CYP3A43: variants seen among roughly 807,000 people sequenced by gnomAD.
CYP3A43 encodes the protein cytochrome P450 3A43.
In CYP3A43, 45 loss-of-function variants were observed where a neutral mutation model predicts 58.0. The ratio of observed to expected loss-of-function variants is 0.78; its 90% CI spans 0.61 to 0.99. The LOEUF (loss-of-function observed/expected upper bound fraction) is 0.99, where lower values mean the gene tolerates loss of function less well. Ranked by LOEUF, CYP3A43 falls within the 50% of genes least tolerant of loss-of-function variation. The pLI is 0.00. For missense variants in CYP3A43, 593 were observed against 591.9 expected (o/e 1.00, Z -0.02); for synonymous variants, 191 against 201.4 (o/e 0.95, Z 0.44).
At chr7:99,854,181 G>A (rs888842409) in intron 7 of CYP3A43, among the ~76,000 whole-genome samples, 1 of 151,084 alleles carries the variant, frequency 6.6e-6, no homozygotes, top group Non-Finnish European at 1.5e-5. Context: ...CCAGAGTCTG[G>A]TCACCATCCT....
intron 1 of CYP3A43, among the ~76,000 whole-genome samples, chr7:99,834,709 T>C (rs1366992284): frequency 6.6e-6 from 1 of 152,224 alleles, no homozygotes; most frequent in Non-Finnish European, 1.5e-5. Flanking sequence ...AGTCTCATCA[T>C]AATACTGTTG....
intron 7 of CYP3A43, chr7:99,849,929 A>G (rs1817686901): frequency 1.8e-6 from 1 of 563,762 alleles, no homozygotes; most frequent in African/African-American, 2.2e-5. Flanking sequence ...CCATTTAACC[A>G]TCATCCCCTT....
chr7:99,839,078 A>G (rs1340009532), intron 2 of CYP3A43, 42 bp from the exon 3 acceptor site: 1 of 1,612,676 alleles, frequency 6.2e-7, no homozygotes, highest in African/African-American at 1.3e-5. Flanking sequence ...CGTTCAGTAC[A>G]TTCGAAATAA....
Position 99,863,616 on chromosome 7 carries a change from A to C in CYP3A43, c.1333A>C (p.Met445Leu), listed in dbSNP as rs1818329772. The change falls in exon 12 of 13, where the codon ATG becomes CTG. Residue 445 changes from methionine (M) to leucine (L), a missense_variant. Coordinates refer to ENST00000354829, the MANE Select transcript of CYP3A43 (RefSeq NM_057095.3). ...FGAGPRNCIG[M>L]RFALTNIKLA... ...AGCTGGACCCCGAAACTGCATTGGCATGAGGTTTGCTCTCACAAACATAAA... is the reference window on the plus strand; with the variant it reads ...AGCTGGACCCCGAAACTGCATTGGCCTGAGGTTTGCTCTCACAAACATAAA... 2 of 1,614,020 alleles carry C rather than the reference A, an allele frequency of 1.2e-6. No homozygotes were observed. The highest frequency in any genetic ancestry group is 1.7e-5 in the Admixed American group (1 of 60,004).
At chr7:99,832,050 C>T (rs1035371336) in intron 1 of CYP3A43, among the ~76,000 whole-genome samples, 1 of 152,072 alleles carries the variant, frequency 6.6e-6, no homozygotes, top group African/African-American at 2.4e-5. Context: ...AATAAGAACA[C>T]TATGATTCTT....
chr7:99,838,060 T>C (rs1817166863), intron 2 of CYP3A43, among the ~76,000 whole-genome samples: 1 of 152,238 alleles, frequency 6.6e-6, no homozygotes, highest in African/African-American at 2.4e-5. Context: ...AATCCACATG[T>C]CCTGGGCTAT....
intron 11 of CYP3A43, 62 bp from the exon 12 acceptor site, chr7:99,863,475 C>G: frequency 7.1e-7 from 1 of 1,415,300 alleles, no homozygotes; most frequent in Non-Finnish European, 9.5e-7. Context: ...CCCTGCATAA[C>G]GTGTAGTTTT....
In CYP3A43 at chr7:99,861,139, G is replaced by A. The variant is rs192346961; in HGVS notation, c.1027-474G>A. 1.8e-3 allele frequency among the ~76,000 whole-genome samples: 274 copies of A among 152,340 alleles called. 2 individuals are homozygous for A. Among genetic ancestry groups the A allele is most frequent in the African/African-American group, 6.3e-3 (262 of 41,580 alleles). On this transcript the variant is annotated intron_variant, in intron 10 of 12. Coordinates refer to ENST00000354829, the MANE Select transcript of CYP3A43 (RefSeq NM_057095.3). ...TCCACCCACCTTGGCCTCCCAAAGT[G>A]TTGGGATTATAGGCATGAGCCACCA...
chr7:99,854,396 G>A (rs763228856), intron 7 of CYP3A43, among the ~76,000 whole-genome samples: 4 of 151,778 alleles, frequency 2.6e-5, no homozygotes, highest in Non-Finnish European at 5.9e-5. Context: ...TAGTAGGGAC[G>A]GGGTTTTGCC....
intron 2 of CYP3A43, 132 bp from the exon 3 acceptor site, chr7:99,838,988 C>A: frequency 1.9e-6 from 2 of 1,040,880 alleles, no homozygotes; most frequent in Non-Finnish European, 1.4e-6. Flanking sequence ...AAAAAGATTC[C>A]CTCTAACTGC....
chr7:99,844,352 A>G (rs746658949), intron 4 of CYP3A43, 110 bp downstream of exon 4: 26 of 965,162 alleles, frequency 2.7e-5, no homozygotes, highest in Non-Finnish European at 3.8e-5. Flanking sequence ...ACTTCGTCCT[A>G]TTTCCCCCAA....
intron 9 of CYP3A43, among the ~76,000 whole-genome samples, chr7:99,859,353 G>C (rs1818128538): frequency 6.6e-6 from 1 of 152,154 alleles, no homozygotes; most frequent in African/African-American, 2.4e-5. Flanking sequence ...TTAGAGAAAA[G>C]TTCCTTTATA....
intron 12 of CYP3A43, among the ~76,000 whole-genome samples, 184 bp from the exon 13 acceptor site, chr7:99,865,722 T>C (rs1319128286): frequency 6.7e-6 from 1 of 148,776 alleles, no homozygotes; most frequent in Non-Finnish European, 1.5e-5. Flanking sequence ...TGGTAAATGC[T>C]TTCACTATCC....
intron 2 of CYP3A43, among the ~76,000 whole-genome samples, chr7:99,837,694 G>C (rs1191268108): frequency 1.3e-5 from 2 of 152,130 alleles, no homozygotes; most frequent in African/African-American, 4.8e-5. Flanking sequence ...CTAGAAAGGG[G>C]ATAATTTGAC....
At chr7:99,854,894 T>C (rs1452969575) in intron 7 of CYP3A43, among the ~76,000 whole-genome samples, 2 of 152,188 alleles carry the variant, frequency 1.3e-5, no homozygotes, top group Non-Finnish European at 2.9e-5. Context: ...CTCTTTTTTT[T>C]TTTCTTTCGA....
intron 1 of CYP3A43, among the ~76,000 whole-genome samples, chr7:99,832,974 A>G (rs377390856): frequency 4.6e-5 from 7 of 152,240 alleles, no homozygotes; most frequent in African/African-American, 1.7e-4. Context: ...ATCAGGAAAG[A>G]ATCAATTAAC....
intron 7 of CYP3A43, among the ~76,000 whole-genome samples, chr7:99,851,166 A>C (rs1460447187): frequency 1.3e-5 from 2 of 151,972 alleles, no homozygotes; most frequent in South Asian, 2.1e-4. Flanking sequence ...CCCGTCTAAA[A>C]AAAAAAAAGA....
chr7:99,842,729 G>A (rs376313427), intron 3 of CYP3A43, among the ~76,000 whole-genome samples: 24 of 152,264 alleles, frequency 1.6e-4, no homozygotes, highest in African/African-American at 5.8e-4. Context: ...AAATCATATA[G>A]CTGTAATTTC....
chr7:99,855,820 C>G, intron 8 of CYP3A43, 102 bp downstream of exon 8: 2 of 1,333,568 alleles, frequency 1.5e-6, no homozygotes, highest in East Asian at 2.6e-5. Context: ...TTAAAGGCAG[C>G]TAGAGAACTT....
Sources: allele counts gnomAD v4.1 joint callset (sites outside exome capture counted in the v4.1 genomes callset), GRCh38; gene constraint gnomAD v4.1.1; transcripts MANE v1.5; gene names NCBI Gene and HGNC (gene_info 2026-07-23, HGNC 2026-07-21).